The following TNKS1BP1 variants were observed in gnomAD, a reference collection of about 807,000 sequenced individuals.
TNKS1BP1 encodes the protein CCR4-NOT transcription complex subunit 12.
A neutral mutation model predicts 141.1 loss-of-function variants in TNKS1BP1; 48 were observed. The observed-to-expected ratio is 0.34, with a 90% CI of 0.27 to 0.43. TNKS1BP1 has a LOEUF of 0.43. Among genes scored for constraint, TNKS1BP1 ranks in the 20% least tolerant of loss-of-function variants. The pLI is 1.00. For missense variants in TNKS1BP1, 2,149 were observed against 2,226.0 expected (o/e 0.97, Z 0.70); for synonymous variants, 875 against 898.2 (o/e 0.97, Z 0.46).
intron 1 of TNKS1BP1, 53 bp downstream of exon 1, chr11:57,324,787 G>T: frequency 5.3e-6 from 5 of 947,676 alleles, no homozygotes; most frequent in Non-Finnish European, 6.2e-6. Flanking sequence ...CCCCTCCCCC[G>T]CCCCATCCCG....
At position 57,313,691 on chromosome 11, in the gene TNKS1BP1, C is replaced by T. The variant is rs199806060; in HGVS notation, c.997G>A (p.Ala333Thr). ...PEASQASPCP[A>T]VTPSAPSAAL... Reference sequence around the variant, plus strand: ...GCACTTGGAGCTGATGGAGTCACAGCGGGGCAGGGAGAAGCCTGGGAAGCT... The same window carrying T: ...GCACTTGGAGCTGATGGAGTCACAGTGGGGCAGGGAGAAGCCTGGGAAGCT... The change falls in exon 5 of 12, where the codon GCT becomes ACT. Residue 333 changes from alanine (A) to threonine (T), a missense_variant. By Grantham distance (58) the Ala-to-Thr change is moderately conservative. Transcript: ENST00000358252. 1.1e-5 allele frequency: 17 copies of T among 1,576,578 alleles called. No individual in the cohort carries two copies. Among genetic ancestry groups the T allele is most frequent in the South Asian group, 2.3e-5 (2 of 86,338 alleles).
Position 57,313,145 on chromosome 11 carries a change from A to G in TNKS1BP1, c.1543T>C (p.Leu515=), listed in dbSNP as rs1855740635. 6.2e-7 allele frequency: 1 copy of G among 1,612,918 alleles called. No homozygotes were observed. The highest frequency in any genetic ancestry group is 2.2e-5 in the East Asian group (1 of 44,864). ...CCTTCTTCCCTGCTGGAAACGGCCA[A>G]GTTGCCAGCCTCAGCAGCCTCGGCG... The part of the protein sequence containing the change: ...EAAEAAEAGN[L]AVSSREEGVS... Residue 515 remains leucine, a synonymous_variant, in exon 5 of 12, where the codon TTG becomes CTG. Transcript: ENST00000358252.
chr11:57,307,842 C>T (rs1421249145), intron 6 of TNKS1BP1, among the ~76,000 whole-genome samples: 1 of 152,182 alleles, frequency 6.6e-6, no homozygotes, highest in Non-Finnish European at 1.5e-5. Flanking sequence ...GGTCATGGGG[C>T]CAGGTCCCCA....
intron 1 of TNKS1BP1, among the ~76,000 whole-genome samples, chr11:57,324,096 C>T (rs1055808777): frequency 1.3e-5 from 2 of 152,220 alleles, no homozygotes; most frequent in Non-Finnish European, 2.9e-5. Context: ...AACGAGCTGA[C>T]CCCTGGCAGA....
intron 9 of TNKS1BP1, 81 bp downstream of exon 9, chr11:57,301,726 G>A: frequency 6.5e-7 from 1 of 1,535,758 alleles, no homozygotes; most frequent in Admixed American, 1.8e-5. Context: ...ATGAATTGAT[G>A]GATGAAGAGA....
rs374237093 is a variant in TNKS1BP1 at position 57,313,020 on chromosome 11, G to A, written c.1668C>T (p.Gly556=). Residue 556 remains glycine (G), a synonymous_variant, in exon 5 of 12, where the codon GGC becomes GGT. Coordinates refer to ENST00000358252, the MANE Select transcript of TNKS1BP1 (RefSeq NM_033396.3). The stretch of plus-strand genomic sequence containing the variant: ...GGAATTGAGGTTGACTCTCCCCATC[G>A]CCCTTCTGGGTGAGGGACATGCTTG... ...DDPSMSLTQK[G]DGESQPQFPA... The A allele has an allele frequency of 4.4e-5, 71 of 1,613,930 alleles. No homozygotes were observed. The highest frequency in any genetic ancestry group is 9.3e-5 in the African/African-American group (7 of 75,050).
chr11:57,324,377 C>A (rs1223147456), intron 1 of TNKS1BP1, among the ~76,000 whole-genome samples: 1 of 151,220 alleles, frequency 6.6e-6, no homozygotes, highest in East Asian at 2.0e-4. Flanking sequence ...GCGGTGGCGG[C>A]AGAAGCGGAG....
intron 3 of TNKS1BP1, among the ~76,000 whole-genome samples, chr11:57,319,064 G>A (rs1483565589): frequency 6.7e-6 from 1 of 149,278 alleles, no homozygotes; most frequent in African/African-American, 2.5e-5. Flanking sequence ...AGAATGGCGT[G>A]AACCCAGGAG....
In TNKS1BP1 at chr11:57,324,828, C is replaced by T. The variant is rs1855943327; in HGVS notation, c.-66+12G>A. On this transcript the variant is annotated intron_variant, in intron 1 of 11. Coordinates refer to ENST00000358252, the MANE Select transcript of TNKS1BP1 (RefSeq NM_033396.3). Reference sequence around the variant, plus strand: ...CGCCCCCTCCTTCGCCCGACCGCCCCCGCGCACTCACGCGCTCGCCCGGGG... The same window carrying T: ...CGCCCCCTCCTTCGCCCGACCGCCCTCGCGCACTCACGCGCTCGCCCGGGG... 1.0e-6 allele frequency: 1 copy of T among 985,650 alleles called. No individual in the cohort carries two copies. The highest frequency in any genetic ancestry group is 1.7e-5 in the African/African-American group (1 of 57,146). 61.1% of individuals were successfully genotyped at this position (985,650 alleles called of 1,614,324 possible).
chr11:57,318,191 C>T (rs937777641), intron 3 of TNKS1BP1, among the ~76,000 whole-genome samples: 2 of 152,250 alleles, frequency 1.3e-5, no homozygotes, highest in African/African-American at 4.8e-5. Context: ...AAAGATAACT[C>T]CTCTTTCCTT....
rs779167369 is a variant in TNKS1BP1, at chr11:57,310,465, C to T, written c.2246G>A (p.Cys749Tyr). 1.2e-6 allele frequency: 2 copies of T among 1,613,402 alleles called. No homozygotes were observed. The highest frequency in any genetic ancestry group is 1.7e-5 in the Admixed American group (1 of 60,036). The change falls in exon 6 of 12, where the codon TGT becomes TAT. Residue 749 changes from cysteine (C) to tyrosine (Y), a missense_variant. Transcript: ENST00000358252. ...GCCATAGTCCTGAGAAGCACCTTGACACCAGCTGGAAGGACTGAAACTGCT... is the reference window on the plus strand; with the variant it reads ...GCCATAGTCCTGAGAAGCACCTTGATACCAGCTGGAAGGACTGAAACTGCT... Reference protein sequence around the residue: ...QPSSFSPSSWCQGASQDYGLG... With the variant: ...QPSSFSPSSWYQGASQDYGLG...
intron 3 of TNKS1BP1, among the ~76,000 whole-genome samples, chr11:57,318,423 C>T (rs1019631464): frequency 6.6e-6 from 1 of 152,208 alleles, no homozygotes; most frequent in African/African-American, 2.4e-5. Context: ...GCACCCTGGT[C>T]TGGGACAGGC....
Position 57,302,506 on chromosome 11 carries a change from G to T in TNKS1BP1, c.4636C>A (p.Gln1546Lys), listed in dbSNP as rs1037582035. 6.2e-7 allele frequency: 1 copy of T among 1,610,906 alleles called. No homozygotes were observed. The highest frequency in any genetic ancestry group is 8.5e-7 in the Non-Finnish European group (1 of 1,178,342). Residue 1546 changes from glutamine to lysine, a missense_variant, in exon 7 of 12, where the codon CAA (glutamine) becomes AAA (lysine). Coordinates refer to ENST00000358252, the MANE Select transcript of TNKS1BP1 (RefSeq NM_033396.3). The surrounding 1 kb of genome is among the most constrained non-coding windows in gnomAD (Gnocchi z 5.5). Reference protein sequence around the residue: ...GPAQTSRRPSQGPPARSPSQD... With the variant: ...GPAQTSRRPSKGPPARSPSQD... ...CTGGGGGATCTGGCAGGAGGGCCTTGGGAGGGTCGCCGAGAAGTCTGTGCT... is the reference window on the plus strand; with the variant it reads ...CTGGGGGATCTGGCAGGAGGGCCTTTGGAGGGTCGCCGAGAAGTCTGTGCT...
Position 57,313,659 on chromosome 11 carries a change from C to A in TNKS1BP1, c.1029G>T (p.Leu343=). 6.4e-7 allele frequency: 1 copy of A among 1,561,348 alleles called. No homozygotes were observed. Among genetic ancestry groups the A allele is most frequent in the East Asian group, 2.4e-5 (1 of 42,194 alleles). The change falls in exon 5 of 12, where the codon CTG becomes CTT. Residue 343 remains leucine (L), a synonymous_variant. Coordinates refer to ENST00000358252, the MANE Select transcript of TNKS1BP1 (RefSeq NM_033396.3). ...GGGTGTGGCGGGAGCCCTCGTCAGGCAGGGCTGCACTTGGAGCTGATGGAG... is the reference window on the plus strand; with the variant it reads ...GGGTGTGGCGGGAGCCCTCGTCAGGAAGGGCTGCACTTGGAGCTGATGGAG... The part of the protein sequence containing the change: ...AVTPSAPSAA[L]PDEGSRHTPS...
chr11:57,308,329 G>T, intron 6 of TNKS1BP1, 66 bp downstream of exon 6: 3 of 1,528,290 alleles, frequency 2.0e-6, no homozygotes, highest in South Asian at 1.3e-5. Flanking sequence ...CCTCAGAAAG[G>T]TTCCGATTTC....
In TNKS1BP1 at chr11:57,308,988, G is replaced by C. The variant is rs368762119; in HGVS notation, c.3723C>G (p.Val1241=). ...VNVKSKDLAE[V]GEGGGHSQAR... ...CCTGGCTGTGGCCTCCTCCCTCCCC[G>C]ACCTCAGCCAAATCTTTGCTCTTCA... The change falls in exon 6 of 12, where the codon GTC becomes GTG. Residue 1241 remains valine (V), a synonymous_variant. Transcript: ENST00000358252. The C allele has an allele frequency of 6.2e-6, 10 of 1,613,660 alleles. No homozygotes were observed. The highest frequency in any genetic ancestry group is 8.5e-6 in the Non-Finnish European group (10 of 1,179,928).
chr11:57,320,911 C>G (rs1023887392), intron 2 of TNKS1BP1, among the ~76,000 whole-genome samples, 199 bp from the exon 3 acceptor site: 6 of 152,226 alleles, frequency 3.9e-5, no homozygotes, highest in African/African-American at 1.4e-4. Flanking sequence ...CTCCCTTCTT[C>G]AAACTCCCAA....
In TNKS1BP1 at chr11:57,302,002, A is replaced by G; in HGVS notation, c.4835-59T>C. On this transcript the variant is annotated intron_variant, in intron 8 of 11. Transcript: ENST00000358252. This position sits in a 1 kb window ranked among gnomAD's most constrained non-coding sequence, Gnocchi z 5.5. ...CAGCACACCCAGACTCCCCGAACCC[A>G]TAACCCCTGCAAAAGCTTGGCCTAA... 3.7e-6 allele frequency: 6 copies of G among 1,606,150 alleles called. No homozygotes were observed. Among genetic ancestry groups the G allele is most frequent in the Non-Finnish European group, 5.1e-6 (6 of 1,173,770 alleles).
chr11:57,322,238 G>T, intron 1 of TNKS1BP1: 1 of 1,083,860 alleles, frequency 9.2e-7, no homozygotes, highest in Non-Finnish European at 1.1e-6. Context: ...CCCACTTACA[G>T]TCCCCACAGT....
Sources: allele counts gnomAD v4.1 joint callset (sites outside exome capture counted in the v4.1 genomes callset), GRCh38; gene constraint gnomAD v4.1.1; non-coding constraint Gnocchi (gnomAD v3.1); transcripts MANE v1.5; gene names NCBI Gene and HGNC (gene_info 2026-07-23, HGNC 2026-07-21).